AGMO: variants seen among roughly 807,000 people sequenced by gnomAD.
AGMO encodes the protein alkylglycerol monooxygenase.
In AGMO, 75 loss-of-function variants were observed where a neutral mutation model predicts 60.2. The observed-to-expected ratio is 1.25, with a 90% confidence interval of 1.03 to 1.51. The LOEUF is 1.51. Ranked by LOEUF, AGMO falls within the 40% of genes most tolerant of loss-of-function variation. AGMO has a pLI of 0.00. For synonymous variants in AGMO, 261 were observed against 177.1 expected (o/e 1.47, Z -3.76); for missense variants, 763 against 525.5 (o/e 1.45, Z -4.42).
At chr7:15,263,147 A>G (rs1461423244) in intron 12 of AGMO, among the ~76,000 whole-genome samples, 1 of 152,118 alleles carries the variant, frequency 6.6e-6, no homozygotes, top group Non-Finnish European at 1.5e-5. Context: ...CAGACAACCC[A>G]AAGTTTGGGA....
intron 10 of AGMO, among the ~76,000 whole-genome samples, chr7:15,374,434 C>A (rs1198989731): frequency 2.6e-5 from 4 of 151,820 alleles, no homozygotes; most frequent in Non-Finnish European, 5.9e-5. Flanking sequence ...TCAGTTTCTA[C>A]AAAAAATTGT....
chr7:15,506,995 G>T (rs150087666), intron 3 of AGMO, among the ~76,000 whole-genome samples: 3 of 151,926 alleles, frequency 2.0e-5, no homozygotes, highest in African/African-American at 7.2e-5. Context: ...CATTTAAAAA[G>T]AAAAGGAAAT....
intron 12 of AGMO, among the ~76,000 whole-genome samples, chr7:15,203,096 A>T (rs1300149628): frequency 1.3e-5 from 2 of 152,156 alleles, no homozygotes; most frequent in Non-Finnish European, 2.9e-5. Context: ...GGTTACAAGG[A>T]TGATCTCCCT....
chr7:15,313,137 GA>G (rs984280051), intron 12 of AGMO, among the ~76,000 whole-genome samples: 1 of 152,140 alleles, frequency 6.6e-6, no homozygotes, highest in African/African-American at 2.4e-5. Context: ...GGCTAAAAAT[GA>G]AAACAAGTTT....
intron 3 of AGMO, among the ~76,000 whole-genome samples, chr7:15,497,773 C>T (rs1260990691): frequency 1.3e-5 from 2 of 151,964 alleles, no homozygotes; most frequent in Non-Finnish European, 1.5e-5. Flanking sequence ...CGAAAGCCTA[C>T]AAAAATCAAC....
At chr7:15,314,466 AAATTAAG>A (rs1161029936) in intron 12 of AGMO, among the ~76,000 whole-genome samples, 1 of 152,144 alleles carries the variant, frequency 6.6e-6, no homozygotes, top group Non-Finnish European at 1.5e-5. Flanking sequence ...CCTAATTCTT[AAATTAAG>A]ACTAGGGAAA....
At position 15,385,426 on chromosome 7, in the gene AGMO, T is replaced by C; in HGVS notation, c.1074+20A>G. The C allele has an allele frequency of 5.6e-6, 8 of 1,436,204 alleles. No homozygotes were observed. The highest frequency in any genetic ancestry group is 6.8e-6 in the Non-Finnish European group (7 of 1,024,234). The allele number at this position is 1,436,204 out of a possible 1,614,324, so 89.0% of individuals were successfully genotyped here. On this transcript the variant is annotated intron_variant, in intron 10 of 12. Transcript: ENST00000342526. ...GTAACAGATAATGTTCTCACACTAC[T>C]TAAAATGGATATTACTTACAGCTGT... is the stretch of plus-strand genomic sequence containing the variant.
At chr7:15,375,445 G>GATCC (rs1783412903) in intron 10 of AGMO, among the ~76,000 whole-genome samples, 1 of 139,990 alleles carries the variant, frequency 7.1e-6, no homozygotes, top group Admixed American at 7.7e-5. Context: ...GCCTAGGCTG[G>GATCC]AGTGCAGTAG....
At chr7:15,173,066 C>G in the AGMO span, among the ~76,000 whole-genome samples, 1 of 151,928 alleles carries the variant, frequency 6.6e-6, no homozygotes, top group African/African-American at 2.4e-5. Flanking sequence ...AATCTGTTTT[C>G]TTTATTGAAA....
chr7:15,554,011 C>A (rs952980542), intron 2 of AGMO, among the ~76,000 whole-genome samples: 2 of 152,058 alleles, frequency 1.3e-5, no homozygotes, highest in Admixed American at 1.3e-4. Flanking sequence ...ATTTGATCCC[C>A]TTTTATTACA....
chr7:15,384,816 TC>T (rs1359909912), intron 10 of AGMO, among the ~76,000 whole-genome samples: 28 of 78,682 alleles, frequency 3.6e-4, no homozygotes, highest in South Asian at 9.6e-4. Flanking sequence ...CCTGTTTTTC[TC>T]TTTTTTTTTT....
intron 12 of AGMO, among the ~76,000 whole-genome samples, chr7:15,322,541 T>C (rs1270810980): frequency 1.9e-4 from 10 of 53,008 alleles, no homozygotes; most frequent in Admixed American, 3.7e-4. Flanking sequence ...TATAAATATA[T>C]ATATAAATAT....
At chr7:15,327,593 A>G (rs577799683) in intron 12 of AGMO, among the ~76,000 whole-genome samples, 2 of 152,080 alleles carry the variant, frequency 1.3e-5, no homozygotes, top group Non-Finnish European at 2.9e-5. Context: ...ATTAGAAAAG[A>G]GACTACTATA....
chr7:15,435,544 A>C (rs1280554220), intron 3 of AGMO, among the ~76,000 whole-genome samples: 6 of 152,146 alleles, frequency 3.9e-5, no homozygotes, highest in Non-Finnish European at 7.4e-5. Flanking sequence ...TCTATTCAAA[A>C]TTTGTGCCCA....
At chr7:15,283,252 A>C (rs1383675827) in intron 12 of AGMO, among the ~76,000 whole-genome samples, 1 of 152,112 alleles carries the variant, frequency 6.6e-6, no homozygotes, top group Non-Finnish European at 1.5e-5. Flanking sequence ...GTTGAATGTA[A>C]ATGCCCTAAT....
chr7:15,214,243 C>T (rs1466896744), intron 12 of AGMO, among the ~76,000 whole-genome samples: 4 of 151,842 alleles, frequency 2.6e-5, no homozygotes, highest in Non-Finnish European at 2.9e-5. Flanking sequence ...TGGGACACTA[C>T]GAATTTTCAG....
In AGMO at chr7:15,354,345, CGTGTATATAGACGTGTGTATATAGACGT is replaced by C. The variant is rs1174252580; in HGVS notation, c.1263+11141_1263+11168del. 1.1e-3 allele frequency among the ~76,000 whole-genome samples: 48 copies of C among 44,250 alleles called. 2 individuals carry two copies. The highest frequency in any genetic ancestry group is 3.6e-3 in the East Asian group (4 of 1,108). The allele number at this position is 44,250 out of a possible 152,430, so 29.0% of individuals were successfully genotyped here. ...ATATACGTACGCGTGTATATACACG[CGTGTATATAGACGTGTGTATATAGACGT>C]GTGTATACACGTGTGTGTATACACG... is the stretch of plus-strand genomic sequence containing the variant. On this transcript the variant is annotated intron_variant, in intron 12 of 12. Transcript: ENST00000342526.
chr7:15,283,631 T>C (rs1784026480), intron 12 of AGMO, among the ~76,000 whole-genome samples: 1 of 151,858 alleles, frequency 6.6e-6, no homozygotes, highest in South Asian at 2.1e-4. Flanking sequence ...AATGCAATAA[T>C]AATGGGGAAC....
Position 15,345,006 on chromosome 7 carries a change from T to C in AGMO, c.1263+20508A>G, listed in dbSNP as rs1384102651. Among the ~76,000 whole-genome samples the C allele has an allele frequency of 2.0e-5, 3 of 152,202 alleles. No homozygotes were observed. In the East Asian group the frequency reaches 5.8e-4, roughly 29 times the overall value. The stretch of plus-strand genomic sequence containing the variant: ...GGCTCTATCCTTACAGTGACTGTCC[T>C]CGTTCAAGCCACTGTCACATCTTTC... On this transcript the variant is annotated intron_variant, in intron 12 of 12. Transcript: ENST00000342526.
Sources: allele counts gnomAD v4.1 joint callset (sites outside exome capture counted in the v4.1 genomes callset), GRCh38; gene constraint gnomAD v4.1.1; transcripts MANE v1.5; gene names NCBI Gene and HGNC (gene_info 2026-07-23, HGNC 2026-07-21).